Variants in ZDHHC21 observed in about 807,000 individuals in gnomAD.
ZDHHC21 encodes palmitoyltransferase ZDHHC21.
ZDHHC21 carries 15 observed loss-of-function variants against 34.6 expected under a neutral mutation model. The observed-to-expected ratio is 0.43, with a 90% confidence interval of 0.29 to 0.67. The LOEUF is 0.67. Among genes scored for constraint, ZDHHC21 ranks in the 30% least tolerant of loss-of-function variants. The pLI, the probability that ZDHHC21 is intolerant of heterozygous loss-of-function variation, is 0.14. For synonymous variants in ZDHHC21, 142 were observed against 101.8 expected (o/e 1.40, Z -2.38); for missense variants, 344 against 327.7 (o/e 1.05, Z -0.38).
chr9:14,629,776 C>G lies in ZDHHC21; in HGVS notation c.622-10094G>C, dbSNP rs537165056. Among the ~76,000 whole-genome samples the G allele has an allele frequency of 1.8e-4, 27 of 152,126 alleles. No homozygotes were observed. In the South Asian group the frequency reaches 5.6e-3, roughly 32 times the overall value. ...GGCTGTCAAAATTAAAACAATAAAC[C>G]GGTGGCTCACACCTGTAATCCCAGC... On this transcript the variant is annotated intron_variant, in intron 8 of 9. Coordinates refer to ENST00000380916, the MANE Select transcript of ZDHHC21 (RefSeq NM_178566.6).
At chr9:14,673,936 G>A (rs1835902453) in intron 4 of ZDHHC21, among the ~76,000 whole-genome samples, 1 of 151,922 alleles carries the variant, frequency 6.6e-6, no homozygotes, top group Admixed American at 6.6e-5. Flanking sequence ...TACTGTGTCA[G>A]TTTTCTATTT....
intron 7 of ZDHHC21, among the ~76,000 whole-genome samples, chr9:14,658,464 CTTTTTT>C (rs769819264): frequency 1.4e-4 from 9 of 65,390 alleles, no homozygotes; most frequent in African/African-American, 2.5e-4. Flanking sequence ...ATAAACATTT[CTTTTTT>C]TTTTTTTTTT....
chr9:14,656,981 T>C (rs1832355030), intron 7 of ZDHHC21, among the ~76,000 whole-genome samples: 1 of 152,040 alleles, frequency 6.6e-6, no homozygotes, highest in African/African-American at 2.4e-5. Context: ...ACATTCATTA[T>C]GCATGTAAAT....
At chr9:14,631,685 G>C (rs777874616) in intron 8 of ZDHHC21, among the ~76,000 whole-genome samples, 3 of 152,062 alleles carry the variant, frequency 2.0e-5, no homozygotes, top group Non-Finnish European at 4.4e-5. Flanking sequence ...TAAATACTTA[G>C]AGGCCACCAT....
intron 8 of ZDHHC21, among the ~76,000 whole-genome samples, chr9:14,635,638 G>A (rs1339481695): frequency 6.6e-6 from 1 of 152,164 alleles, no homozygotes; most frequent in Non-Finnish European, 1.5e-5. Flanking sequence ...AAAGCTTTGG[G>A]ACTTTATCAT....
rs1402549614 is a variant in ZDHHC21 at position 14,612,480 on chromosome 9, G to A, written c.*6486C>T. 6.6e-6 allele frequency: 1 copy of A among 151,514 alleles called. No individual in the cohort carries two copies. Among genetic ancestry groups the A allele is most frequent in the Admixed American group, 6.6e-5 (1 of 15,196 alleles). 9.4% of individuals were successfully genotyped at this position (151,514 alleles called of 1,614,324 possible). ...TACATTTGGACAATTACATTTCAAA[G>A]GTGTTTTAAATTACGAGTACACTTA... On this transcript the variant is annotated 3_prime_UTR_variant, in exon 10 of 10. Coordinates refer to ENST00000380916, the MANE Select transcript of ZDHHC21 (RefSeq NM_178566.6).
At chr9:14,650,391 A>T (rs568704534) in intron 7 of ZDHHC21, among the ~76,000 whole-genome samples, 4 of 151,956 alleles carry the variant, frequency 2.6e-5, no homozygotes, top group African/African-American at 9.6e-5. Context: ...ATTCCACAAT[A>T]CTCTTGGCTA....
intron 7 of ZDHHC21, 117 bp downstream of exon 7, chr9:14,658,632 C>T (rs944810643): frequency 1.7e-5 from 13 of 778,194 alleles, no homozygotes; most frequent in Non-Finnish European, 2.3e-5. Context: ...CCACCTCGCC[C>T]GGCTAATTTT....
chr9:14,639,869 GTTACT>G (rs1480140576), intron 8 of ZDHHC21, 22 bp downstream of exon 8: 5 of 1,298,750 alleles, frequency 3.8e-6, no homozygotes, highest in African/African-American at 3.0e-5. Context: ...ATTCATAAAT[GTTACT>G]TTACATTAAA....
chr9:14,591,968 T>A, the ZDHHC21 span, among the ~76,000 whole-genome samples: 5 of 152,264 alleles, frequency 3.3e-5, no homozygotes, highest in South Asian at 1.0e-3. Flanking sequence ...CTTACAGACA[T>A]ATAGTTGGAT....
chr9:14,639,428 A>T (rs1359725889), intron 8 of ZDHHC21, among the ~76,000 whole-genome samples: 1 of 152,088 alleles, frequency 6.6e-6, no homozygotes. Context: ...GAAATAAGTT[A>T]TAATGCTCAG....
chr9:14,604,263 A>G, the ZDHHC21 span, among the ~76,000 whole-genome samples: 3 of 152,330 alleles, frequency 2.0e-5, no homozygotes, highest in Non-Finnish European at 2.9e-5. Context: ...GAACAAGTTA[A>G]TAACAAAGGA....
intron 2 of ZDHHC21, among the ~76,000 whole-genome samples, chr9:14,688,230 T>C (rs1414555188): frequency 1.3e-5 from 2 of 150,834 alleles, no homozygotes; most frequent in Non-Finnish European, 2.9e-5. Context: ...AAAATGGAGA[T>C]AAAAATGTCA....
chr9:14,663,944 C>T (rs1469226318), intron 5 of ZDHHC21, among the ~76,000 whole-genome samples: 1 of 152,122 alleles, frequency 6.6e-6, no homozygotes, highest in Non-Finnish European at 1.5e-5. Flanking sequence ...TATTCCACTC[C>T]CCTACTTAGC....
At position 14,614,118 on chromosome 9, in the gene ZDHHC21, G is replaced by A. The variant is rs935795918; in HGVS notation, c.*4848C>T. The A allele has an allele frequency of 5.9e-5, 9 of 151,656 alleles. No homozygotes were observed. The highest frequency in any genetic ancestry group is 1.2e-4 in the Non-Finnish European group (8 of 67,736). The allele number at this position is 151,656 out of a possible 1,614,324, so 9.4% of individuals were successfully genotyped here. A position where few individuals can be genotyped will look rare whatever the true frequency, so the allele number is the denominator to read the frequency against. ...AAGAGATTCTCTGATGTCAGAAACT[G>A]GCTCCAGTCAACTCTGTTGCTGAGA... On this transcript the variant is annotated 3_prime_UTR_variant, in exon 10 of 10. Transcript: ENST00000380916.
chr9:14,630,111 C>T (rs1329451144), intron 8 of ZDHHC21, among the ~76,000 whole-genome samples: 2 of 152,170 alleles, frequency 1.3e-5, no homozygotes, highest in Non-Finnish European at 1.5e-5. Context: ...CTTTCATGAA[C>T]GATTTCTCTG....
At position 14,693,422 on chromosome 9, in the gene ZDHHC21, G is replaced by A. The variant is rs1471192183; in HGVS notation, c.-418C>T. ...CCGCATGCCCGCGCGCCCGCGTGGG[G>A]AGGGACGACTGCCGCCGTCGCCGTC... On this transcript the variant is annotated 5_prime_UTR_variant, in exon 1 of 10. Coordinates refer to ENST00000380916, the MANE Select transcript of ZDHHC21 (RefSeq NM_178566.6). 3.5e-6 allele frequency: 1 copy of A among 282,264 alleles called. No individual in the cohort carries two copies. Among genetic ancestry groups the A allele is most frequent in the Non-Finnish European group, 6.9e-6 (1 of 145,454 alleles). The allele number at this position is 282,264 out of a possible 1,614,324, so 17.5% of individuals were successfully genotyped here. A position where few individuals can be genotyped will look rare whatever the true frequency, so the allele number is the denominator to read the frequency against.
intron 2 of ZDHHC21, among the ~76,000 whole-genome samples, chr9:14,687,600 C>T (rs1248199385): frequency 9.9e-5 from 15 of 150,804 alleles, no homozygotes. Context: ...GAAGCTTGAA[C>T]CCAGGAGGCA....
rs1007072884 is a variant in ZDHHC21, at chr9:14,664,772, C to T, written c.254-2446G>A. ...TCACACAGCAGGGTATTCCAACAGACCTGCAGCTGAGGGTCCTGTCTGTTA... is the reference window on the plus strand; with the variant it reads ...TCACACAGCAGGGTATTCCAACAGATCTGCAGCTGAGGGTCCTGTCTGTTA... On this transcript the variant is annotated intron_variant, in intron 5 of 9. Coordinates refer to ENST00000380916, the MANE Select transcript of ZDHHC21 (RefSeq NM_178566.6). Among the ~76,000 whole-genome samples the T allele has an allele frequency of 3.5e-3, 525 of 151,848 alleles. 3 individuals carry two copies. Among genetic ancestry groups the T allele is most frequent in the Non-Finnish European group, 5.6e-3 (377 of 67,860 alleles).
Sources: gnomAD v4.1 joint callset for allele counts (sites outside exome capture counted in the v4.1 genomes callset) on GRCh38, gnomAD v4.1.1 for gene constraint, MANE v1.5 for transcripts, NCBI Gene and HGNC (gene_info 2026-07-23, HGNC 2026-07-21) for gene names.